GSE1: variants seen among roughly 807,000 people sequenced by gnomAD.
The protein encoded by GSE1 is Gse1 coiled-coil protein, also known as genetic suppressor element 1.
A neutral mutation model predicts 112.6 loss-of-function variants in GSE1; 32 were observed. That is an observed-to-expected ratio of 0.28 (90% CI 0.21 to 0.38). The LOEUF (loss-of-function observed/expected upper bound fraction) is 0.38. GSE1 is among the 10% of genes least tolerant of loss of function. The pLI, the probability that GSE1 is intolerant of heterozygous loss-of-function variation, is 1.00. For synonymous variants in GSE1, 1,115 were observed against 735.6 expected (o/e 1.52, Z -8.35); for missense variants, 2,348 against 1,699.2 (o/e 1.38, Z -6.71).
In GSE1 at chr16:85,306,576, G is replaced by T. The variant is rs1218922048; in HGVS notation, c.2284-50887G>T. Among the ~76,000 whole-genome samples, 3 of 152,094 alleles carry T rather than the reference G, an allele frequency of 2.0e-5. No homozygotes were observed. In the East Asian group the frequency reaches 5.8e-4, roughly 29 times the overall value. ...TTTTAAAAATTGTTTTAGAGATGGGGTCTCCTCTGTCACCCAGGCTGGAGT... is the reference window on the plus strand; with the variant it reads ...TTTTAAAAATTGTTTTAGAGATGGGTTCTCCTCTGTCACCCAGGCTGGAGT... On this transcript the variant is annotated intron_variant, in intron 1 of 2. Coordinates refer to the GSE1 transcript ENST00000637419.
chr16:85,359,174 C>T (rs1339497564), intron 2 of GSE1, among the ~76,000 whole-genome samples: 1 of 152,212 alleles, frequency 6.6e-6, no homozygotes, highest in Non-Finnish European at 1.5e-5. Context: ...CTCAGGACAT[C>T]CCCAGGGGAG....
chr16:85,633,599 A>G (rs2049733255), intron 1 of GSE1, among the ~76,000 whole-genome samples: 1 of 152,074 alleles, frequency 6.6e-6, no homozygotes, highest in Non-Finnish European at 1.5e-5. Context: ...CTGTTGGGTG[A>G]TGCGTGGGAT....
intron 2 of GSE1, among the ~76,000 whole-genome samples, chr16:85,423,061 G>A (rs1275846041): frequency 1.3e-5 from 2 of 152,226 alleles, no homozygotes; most frequent in East Asian, 3.9e-4. Context: ...AGGTGAGGCT[G>A]GCCCCAGGCA....
At chr16:85,310,332 C>T (rs1406597618) in intron 1 of GSE1, among the ~76,000 whole-genome samples, 1 of 152,192 alleles carries the variant, frequency 6.6e-6, no homozygotes, top group African/African-American at 2.4e-5. Flanking sequence ...AGGTTCAGCG[C>T]CTTAATATGT....
chr16:85,482,806 T>C (rs149219583), intron 2 of GSE1, among the ~76,000 whole-genome samples: 54 of 152,180 alleles, frequency 3.5e-4, no homozygotes, highest in Admixed American at 9.8e-4. Flanking sequence ...GGCGAAACCC[T>C]GTCCCTACTA....
At chr16:85,257,964 G>A (rs1386380664) in intron 1 of GSE1, among the ~76,000 whole-genome samples, 1 of 152,246 alleles carries the variant, frequency 6.6e-6, no homozygotes, top group Admixed American at 6.5e-5. Flanking sequence ...GAGGGCTGGT[G>A]TGATTGGGAG....
At chr16:85,418,170 C>G (rs576931263) in intron 2 of GSE1, among the ~76,000 whole-genome samples, 1 of 152,334 alleles carries the variant, frequency 6.6e-6, no homozygotes, top group Admixed American at 6.5e-5. Flanking sequence ...CGCCATTGGC[C>G]CAAGGGCCAC....
chr16:85,250,557 A>G (rs1284806814), intron 1 of GSE1, among the ~76,000 whole-genome samples: 1 of 152,244 alleles, frequency 6.6e-6, no homozygotes, highest in Non-Finnish European at 1.5e-5. Flanking sequence ...TCAGCAAAAC[A>G]ATATGTGTTC....
chr16:85,267,283 C>A (rs1343067906), intron 1 of GSE1, among the ~76,000 whole-genome samples: 1 of 152,070 alleles, frequency 6.6e-6, no homozygotes, highest in Non-Finnish European at 1.5e-5. Context: ...CTAACCTCCC[C>A]TGCCCCTGGC....
chr16:85,657,327 T>C lies in GSE1; in HGVS notation c.1363T>C (p.Leu455=), dbSNP rs757994012. The C allele has an allele frequency of 6.2e-7, 1 of 1,604,734 alleles. No individual in the cohort carries two copies. Among genetic ancestry groups the C allele is most frequent in the Non-Finnish European group, 8.5e-7 (1 of 1,176,496 alleles). The change falls in exon 8 of 16, where the codon TTG becomes CTG. Residue 455 remains leucine (L), a synonymous_variant. Coordinates refer to ENST00000253458, the MANE Select transcript of GSE1 (RefSeq NM_014615.5). ...GGCGCCCAAGCCCGTCCAACACCCC[T>C]TGCATCCGGTGCCCACCCCACACCA... The part of the protein sequence containing the change: ...LQAPKPVQHP[L]HPVPTPHHTV...
chr16:85,600,384 T>G (rs1285708002), intron 1 of GSE1, among the ~76,000 whole-genome samples: 2 of 152,048 alleles, frequency 1.3e-5, no homozygotes, highest in East Asian at 3.9e-4. Flanking sequence ...TGGGAAGATG[T>G]CACCCAGGCC....
chr16:85,516,906 T>C (rs1023078989), intron 2 of GSE1, among the ~76,000 whole-genome samples: 3 of 151,778 alleles, frequency 2.0e-5, no homozygotes, highest in Non-Finnish European at 4.4e-5. Context: ...CACGCCATTC[T>C]CCTGCCTCAG....
At chr16:85,515,761 A>T (rs2151940894) in intron 2 of GSE1, among the ~76,000 whole-genome samples, 1 of 152,062 alleles carries the variant, frequency 6.6e-6, no homozygotes, top group Admixed American at 6.5e-5. Flanking sequence ...AACACATTGG[A>T]ACCTGCTCTT....
intron 1 of GSE1, among the ~76,000 whole-genome samples, chr16:85,331,415 GTATATATGTATATATGTATA>G (rs1443985181): frequency 2.2e-5 from 2 of 90,500 alleles, no homozygotes; most frequent in African/African-American, 9.3e-5. Flanking sequence ...ATATATATGC[GTATATATGTATATATGTATA>G]TATATGCGTA....
intron 2 of GSE1, among the ~76,000 whole-genome samples, chr16:85,367,635 A>G (rs1383494963): frequency 2.6e-5 from 4 of 152,098 alleles, no homozygotes; most frequent in East Asian, 1.9e-4. Context: ...AGCATATGCA[A>G]GGGCCCCGGG....
intron 14 of GSE1, among the ~76,000 whole-genome samples, chr16:85,669,373 A>G (rs916134970): frequency 1.3e-5 from 2 of 152,282 alleles, no homozygotes; most frequent in African/African-American, 4.8e-5. Context: ...AATGTCAGCC[A>G]CTTCAAATAC....
At chr16:85,361,136 C>A (rs1032415904) in intron 2 of GSE1, among the ~76,000 whole-genome samples, 2 of 122,426 alleles carry the variant, frequency 1.6e-5, no homozygotes, top group African/African-American at 5.9e-5. Flanking sequence ...CACAGACCCC[C>A]CCCACACAAA....
intron 1 of GSE1, among the ~76,000 whole-genome samples, chr16:85,294,616 ACT>A (rs756560732): frequency 0.018 from 1,416 of 76,610 alleles, 11 homozygotes; most frequent in East Asian, 0.055. Context: ...CACGCCTCTC[ACT>A]CTCTCTCTCT....
chr16:85,218,340 G>C (rs2075338101), intron 1 of GSE1, among the ~76,000 whole-genome samples: 2 of 152,188 alleles, frequency 1.3e-5, no homozygotes, highest in African/African-American at 4.8e-5. Context: ...GGGATGGGCT[G>C]CTGAACCTTC....
Sources: gnomAD v4.1 joint callset for allele counts (sites outside exome capture counted in the v4.1 genomes callset) on GRCh38, gnomAD v4.1.1 for gene constraint, MANE v1.5 for transcripts, NCBI Gene and HGNC (gene_info 2026-07-23, HGNC 2026-07-21) for gene names.